MYH14: variants seen among roughly 807,000 people sequenced by gnomAD.
The protein encoded by MYH14 is myosin heavy chain 14.
Under a neutral mutation model 255.5 loss-of-function variants are expected in MYH14, and 123 were observed. The ratio of observed to expected loss-of-function variants is 0.48; its 90% CI spans 0.42 to 0.56. The LOEUF (loss-of-function observed/expected upper bound fraction) is 0.56, where lower values mean the gene tolerates loss of function less well. Ranked by LOEUF, MYH14 falls within the 20% of genes least tolerant of loss-of-function variation. MYH14 has a pLI of 0.00. For synonymous variants in MYH14, 1,095 were observed against 1,161.2 expected, an observed-to-expected ratio of 0.94 and a Z score of 1.16; for missense variants, 2,423 against 2,802.3, an observed-to-expected ratio of 0.86 and a Z score of 3.06.
At chr19:50,224,039 T>TTCCCCCCCCCCCCCCCCCCCCCCCC in intron 5 of MYH14, 115 bp from the exon 6 acceptor site, 1 of 415,106 alleles carries the variant, frequency 2.4e-6, no homozygotes, top group South Asian at 2.8e-5. Flanking sequence ...GTTTCCCCAG[T>TTCCCCCCCCCCCCCCCCCCCCCCCC]CCCCCTTCCC....
At position 50,224,175 on chromosome 19, in the gene MYH14, T is replaced by G; in HGVS notation, c.715T>G (p.Tyr239Asp). Residue 239 changes from tyrosine (Y) to aspartate (D), a missense_variant and splice_region_variant, in exon 6 of 43, where the codon TAT becomes GAT. Tyr to Asp is a radical substitution (Grantham distance 160). Transcript: ENST00000642316. The stretch of plus-strand genomic sequence containing the variant: ...TCAGGCCTCCGTCAGCACCGTGTCT[T>G]ATGTGAGTAGCAGGGGATCACCTCG... Reference protein sequence around the residue: ...GVPASVSTVSYGELERQLLQA... With the variant: ...GVPASVSTVSDGELERQLLQA... 1.2e-6 allele frequency: 2 copies of G among 1,613,904 alleles called. No individual in the cohort carries two copies. The highest frequency in any genetic ancestry group is 1.7e-6 in the Non-Finnish European group (2 of 1,179,874).
chr19:50,294,670 A>G (rs2036202349), intron 39 of MYH14, among the ~76,000 whole-genome samples: 1 of 151,648 alleles, frequency 6.6e-6, no homozygotes, highest in Non-Finnish European at 1.5e-5. Context: ...TTGAGGCTGC[A>G]GTGAGCTATG....
intron 8 of MYH14, among the ~76,000 whole-genome samples, chr19:50,228,071 G>A (rs1337834162): frequency 6.6e-6 from 1 of 152,136 alleles, no homozygotes; most frequent in Non-Finnish European, 1.5e-5. Flanking sequence ...ATCATTTGAA[G>A]CCAGGAGTTT....
chr19:50,261,423 C>T, intron 20 of MYH14, 52 bp from the exon 21 acceptor site: 1 of 468,584 alleles, frequency 2.1e-6, no homozygotes, highest in Non-Finnish European at 2.7e-6. Context: ...CTCACCACCC[C>T]CACTCCCCCA....
intron 10 of MYH14, 40 bp from the exon 11 acceptor site, chr19:50,244,202 G>T (rs1258875812): frequency 6.4e-7 from 1 of 1,574,388 alleles, no homozygotes; most frequent in South Asian, 1.1e-5. Context: ...CACACATCGG[G>T]GTCCAGAGCC....
chr19:50,246,993 C>T lies in MYH14; in HGVS notation c.1211-11C>T, dbSNP rs745897684. On this transcript the variant is annotated splice_polypyrimidine_tract_variant and intron_variant, in intron 11 of 42. Transcript: ENST00000642316. ...CAGTGCTGATGGAATCTTGGTGCCT[C>T]TCGCCCTCAGCTGCACAGAAGCTCT... is the stretch of plus-strand genomic sequence containing the variant. The T allele has an allele frequency of 3.1e-6, 5 of 1,596,296 alleles. No homozygotes were observed. Among genetic ancestry groups the T allele is most frequent in the Non-Finnish European group, 4.3e-6 (5 of 1,168,124 alleles).
intron 40 of MYH14, among the ~76,000 whole-genome samples, chr19:50,302,296 A>C (rs1018876593): frequency 6.9e-6 from 1 of 145,078 alleles, no homozygotes; most frequent in Non-Finnish European, 1.5e-5. Context: ...AAAAAAAAAA[A>C]AACAGCCAGG....
intron 25 of MYH14, 42 bp downstream of exon 25, chr19:50,271,588 C>T: frequency 6.3e-7 from 1 of 1,585,390 alleles, no homozygotes; most frequent in Non-Finnish European, 8.6e-7. Flanking sequence ...GGATGGGGTG[C>T]ATTGGTGGGT....
In MYH14 at chr19:50,217,757, G is replaced by A. The variant is rs750639438; in HGVS notation, c.548G>A (p.Arg183Gln). The A allele has an allele frequency of 1.2e-5, 20 of 1,613,556 alleles. No homozygotes were observed. The highest frequency in any genetic ancestry group is 3.3e-5 in the Admixed American group (2 of 60,008). ...HVYAVTEGAY[R>Q]SMLQDREDQS... is the part of the protein sequence containing the mutation. ...TACGCAGTGACCGAGGGGGCCTATC[G>A]GAGCATGCTGCAGGGTGAGTGCTGG... The change falls in exon 3 of 43, where the codon CGG becomes CAG. Residue 183 changes from arginine (R) to glutamine (Q), a missense_variant. By Grantham distance (43) the Arg-to-Gln change is conservative (BLOSUM62 1). Transcript: ENST00000642316.
At position 50,230,417 on chromosome 19, in the gene MYH14, T is replaced by C; in HGVS notation, c.875-108T>C. The C allele has an allele frequency of 2.0e-6, 2 of 990,010 alleles. No individual in the cohort carries two copies. Among genetic ancestry groups the C allele is most frequent in the Middle Eastern group, 3.0e-4 (1 of 3,294 alleles). 61.3% of individuals were successfully genotyped at this position (990,010 alleles called of 1,614,324 possible). A position where few individuals can be genotyped will look rare whatever the true frequency, so the allele number is the denominator to read the frequency against. On this transcript the variant is annotated intron_variant, in intron 8 of 42. Coordinates refer to ENST00000642316, the MANE Select transcript of MYH14 (RefSeq NM_001145809.2). This position sits in a 1 kb window ranked among gnomAD's most constrained non-coding sequence, Gnocchi z 4.7. The stretch of plus-strand genomic sequence containing the variant: ...CAGCCTGGGCTGTGAGCGACTCCAC[T>C]ACACCACAGGAGAGAAGGGGGCAGC...
chr19:50,271,310 C>T lies in MYH14; in HGVS notation c.3034-99C>T, dbSNP rs1339216147. On this transcript the variant is annotated intron_variant, in intron 24 of 42. Coordinates refer to ENST00000642316, the MANE Select transcript of MYH14 (RefSeq NM_001145809.2). ...GCATGGACATCTCTGAACCACAAGC[C>T]GCGGGGATCCGTGGGCCAGCCATCC... 18 of 1,296,708 alleles carry T rather than the reference C, an allele frequency of 1.4e-5. No individual in the cohort carries two copies. The East Asian group carries it at 1.5e-4, about 11-fold the overall frequency. 80.3% of individuals were successfully genotyped at this position (1,296,708 alleles called of 1,614,324 possible). A position where few individuals can be genotyped will look rare whatever the true frequency, so the allele number is the denominator to read the frequency against.
At chr19:50,238,414 G>A (rs1384978227) in intron 10 of MYH14, among the ~76,000 whole-genome samples, 3 of 152,158 alleles carry the variant, frequency 2.0e-5, no homozygotes, top group African/African-American at 7.2e-5. Flanking sequence ...CTGTGGGTCT[G>A]TAAGGATGTG....
intron 40 of MYH14, among the ~76,000 whole-genome samples, chr19:50,302,581 TAA>T (rs369994273): frequency 7.4e-6 from 1 of 134,788 alleles, no homozygotes. Flanking sequence ...AGACTCCATT[TAA>T]AAAAAAAAAA....
At chr19:50,273,618 G>T (rs1186943070) in intron 27 of MYH14, among the ~76,000 whole-genome samples, 1 of 151,832 alleles carries the variant, frequency 6.6e-6, no homozygotes, top group Non-Finnish European at 1.5e-5. Flanking sequence ...GTGTGTGTGT[G>T]TGTGTGTGTG....
rs976811017 is a variant in MYH14, at chr19:50,203,632, T to G, written c.-43T>G. ...GCTGTCCTGGCGGACACGCCCCTCT[T>G]TCTCCCCAGGCCGAAGCCTCGGGAC... On this transcript the variant is annotated 5_prime_UTR_variant, in exon 1 of 43. Coordinates refer to ENST00000642316, the MANE Select transcript of MYH14 (RefSeq NM_001145809.2). 6.6e-6 allele frequency: 1 copy of G among 152,332 alleles called. No homozygotes were observed. 9.4% of individuals were successfully genotyped at this position (152,332 alleles called of 1,614,324 possible).
chr19:50,302,913 AAAAG>A (rs1373085128), intron 40 of MYH14, among the ~76,000 whole-genome samples: 3 of 152,148 alleles, frequency 2.0e-5, no homozygotes. Context: ...AAAAGAAAAA[AAAAG>A]AAAAAGAAAA....
chr19:50,263,445 C>T (rs1242605941), intron 22 of MYH14, 25 bp downstream of exon 22: 1 of 1,551,012 alleles, frequency 6.4e-7, no homozygotes, highest in Non-Finnish European at 8.8e-7. Flanking sequence ...GGGAGGTGGC[C>T]CCAGTAGGGA....
chr19:50,249,166 G>A, intron 13 of MYH14, 27 bp downstream of exon 13: 1 of 1,546,874 alleles, frequency 6.5e-7, no homozygotes, highest in Non-Finnish European at 8.7e-7. Context: ...GGAGGGGGAT[G>A]CCAACTTCCT....
At chr19:50,268,034 C>A in intron 23 of MYH14, 127 bp from the exon 24 acceptor site, 1 of 1,212,658 alleles carries the variant, frequency 8.2e-7, no homozygotes, top group Non-Finnish European at 1.1e-6. Context: ...GACACCGTGT[C>A]CTCCTGCCCC....
Sources: gnomAD v4.1 joint callset for allele counts (sites outside exome capture counted in the v4.1 genomes callset) on GRCh38, gnomAD v4.1.1 for gene constraint, Gnocchi (gnomAD v3.1) non-coding constraint, MANE v1.5 for transcripts, NCBI Gene and HGNC (gene_info 2026-07-23, HGNC 2026-07-21) for gene names.